The following DDX10 variants were observed in gnomAD, a reference collection of about 807,000 sequenced individuals.
The protein encoded by DDX10 is DEAD-box helicase 10.
In DDX10, 74 loss-of-function variants were observed where a neutral mutation model predicts 104.3. The ratio of observed to expected loss-of-function variants is 0.71; its 90% CI spans 0.59 to 0.86. The LOEUF (loss-of-function observed/expected upper bound fraction) is 0.86. Among genes scored for constraint, DDX10 ranks in the 40% least tolerant of loss-of-function variants. The pLI, the probability that DDX10 is intolerant of heterozygous loss-of-function variation, is 0.00. For synonymous variants in DDX10, 351 were observed against 353.4 expected (o/e 0.99, Z 0.08); for missense variants, 952 against 1,040.0 (o/e 0.92, Z 1.16).
chr11:108,830,579 C>G (rs1376307277), intron 13 of DDX10, among the ~76,000 whole-genome samples: 1 of 152,082 alleles, frequency 6.6e-6, no homozygotes, highest in East Asian at 1.9e-4. Flanking sequence ...ACTTCTAGTA[C>G]TGTGTTGAAT....
At chr11:108,838,720 T>C (rs1255687190) in intron 14 of DDX10, among the ~76,000 whole-genome samples, 155 bp downstream of exon 14, 2 of 152,178 alleles carry the variant, frequency 1.3e-5, no homozygotes, top group Non-Finnish European at 2.9e-5. Flanking sequence ...GTACATCAGC[T>C]CTACTGCTGT....
intron 13 of DDX10, among the ~76,000 whole-genome samples, chr11:108,827,638 T>A (rs1862413311): frequency 6.6e-6 from 1 of 152,306 alleles, no homozygotes; most frequent in East Asian, 1.9e-4. Flanking sequence ...TTGTTTCCTA[T>A]AATTTTAGTT....
intron 13 of DDX10, among the ~76,000 whole-genome samples, chr11:108,771,577 C>G (rs922669755): frequency 6.6e-6 from 1 of 152,070 alleles, no homozygotes; most frequent in Non-Finnish European, 1.5e-5. Context: ...GATCTCCTGA[C>G]CTCGTGATCC....
At chr11:108,914,363 T>C (rs1863717597) in intron 16 of DDX10, among the ~76,000 whole-genome samples, 1 of 152,152 alleles carries the variant, frequency 6.6e-6, no homozygotes, top group African/African-American at 2.4e-5. Context: ...AGCTGGAAAT[T>C]AGAGGAATCG....
chr11:108,756,811 TG>T (rs1279075016), intron 13 of DDX10, among the ~76,000 whole-genome samples: 2 of 152,082 alleles, frequency 1.3e-5, no homozygotes, highest in Middle Eastern at 3.2e-3. Flanking sequence ...GCTAGTCCTA[TG>T]GTGAATAAAA....
chr11:108,933,986 T>C (rs1334994170), intron 17 of DDX10, among the ~76,000 whole-genome samples: 4 of 152,234 alleles, frequency 2.6e-5, no homozygotes, highest in Non-Finnish European at 4.4e-5. Context: ...AGGGAACTTG[T>C]AATCTAATCG....
intron 13 of DDX10, among the ~76,000 whole-genome samples, chr11:108,783,919 T>C (rs192466897): frequency 1.0e-3 from 158 of 152,304 alleles, no homozygotes; most frequent in Non-Finnish European, 1.4e-3. Context: ...ATGCCACATT[T>C]TGTTTTCTGT....
At chr11:108,827,328 T>G (rs963050750) in intron 13 of DDX10, among the ~76,000 whole-genome samples, 3 of 152,182 alleles carry the variant, frequency 2.0e-5, no homozygotes, top group Admixed American at 2.0e-4. Flanking sequence ...GTGATTACAA[T>G]AGGGCTTACT....
At chr11:108,855,619 C>T (rs1862857055) in intron 16 of DDX10, among the ~76,000 whole-genome samples, 1 of 152,126 alleles carries the variant, frequency 6.6e-6, no homozygotes, top group Non-Finnish European at 1.5e-5. Flanking sequence ...GCCACCACGC[C>T]CAGCTAATTT....
At chr11:108,766,211 T>C (rs904134229) in intron 13 of DDX10, among the ~76,000 whole-genome samples, 3 of 152,192 alleles carry the variant, frequency 2.0e-5, no homozygotes, top group African/African-American at 2.4e-5. Context: ...CCTCACAGAA[T>C]CCAGCAGTTT....
intron 13 of DDX10, among the ~76,000 whole-genome samples, chr11:108,728,493 A>G (rs2094307951): frequency 7.0e-6 from 1 of 143,086 alleles, no homozygotes; most frequent in East Asian, 2.0e-4. Context: ...AAGTATACAT[A>G]CACATTTGTT....
At chr11:108,934,566 A>C (rs1864013379) in intron 17 of DDX10, among the ~76,000 whole-genome samples, 1 of 152,224 alleles carries the variant, frequency 6.6e-6, no homozygotes, top group Non-Finnish European at 1.5e-5. Context: ...ATGAACATTT[A>C]TGTAATGGAT....
chr11:108,892,442 A>G (rs901584093), intron 16 of DDX10, among the ~76,000 whole-genome samples: 2 of 152,170 alleles, frequency 1.3e-5, no homozygotes, highest in African/African-American at 4.8e-5. Flanking sequence ...AGTCTGAACT[A>G]TTCCTTTATA....
intron 16 of DDX10, among the ~76,000 whole-genome samples, chr11:108,872,738 A>G (rs1863098568): frequency 6.6e-6 from 1 of 152,112 alleles, no homozygotes; most frequent in Non-Finnish European, 1.5e-5. Flanking sequence ...TTGTGAAAAT[A>G]TTTGATAATA....
chr11:108,908,509 T>C (rs1863627019), intron 16 of DDX10, among the ~76,000 whole-genome samples: 1 of 152,224 alleles, frequency 6.6e-6, no homozygotes, highest in African/African-American at 2.4e-5. Context: ...TTAAAGGTTA[T>C]TTTGTTTTTA....
intron 13 of DDX10, among the ~76,000 whole-genome samples, chr11:108,784,289 G>A (rs544659816): frequency 1.1e-4 from 16 of 152,208 alleles, no homozygotes; most frequent in African/African-American, 2.6e-4. Flanking sequence ...CCTTTTCTTG[G>A]AAGACTCTGT....
chr11:108,931,893 A>C (rs959019415), intron 17 of DDX10, among the ~76,000 whole-genome samples: 5 of 150,658 alleles, frequency 3.3e-5, no homozygotes, highest in African/African-American at 1.2e-4. Context: ...CTGCTTTACC[A>C]GTCAAATAAC....
At chr11:108,937,640 A>G (rs1032303811) in intron 17 of DDX10, among the ~76,000 whole-genome samples, 1 of 152,186 alleles carries the variant, frequency 6.6e-6, no homozygotes, top group African/African-American at 2.4e-5. Context: ...CCCTGTCATC[A>G]TCTGTTCCGA....
intron 12 of DDX10, 37 bp downstream of exon 12, chr11:108,719,922 C>G (rs371872624): frequency 1.1e-4 from 138 of 1,221,360 alleles, no homozygotes; most frequent in Non-Finnish European, 2.3e-5. Context: ...AGTGAATCCT[C>G]AAGGTTAGAG....
Sources: gnomAD v4.1 joint callset for allele counts (sites outside exome capture counted in the v4.1 genomes callset) on GRCh38, gnomAD v4.1.1 for gene constraint, MANE v1.5 for transcripts, NCBI Gene and HGNC (gene_info 2026-07-23, HGNC 2026-07-21) for gene names.